Variants in EPHB2 observed in about 807,000 individuals in gnomAD.
EPHB2 encodes ephrin type-B receptor 2.
EPHB2 carries 18 observed loss-of-function variants against 96.4 expected under a neutral mutation model. That is an observed-to-expected ratio of 0.19 (90% CI 0.13 to 0.28). The LOEUF is 0.28. Among genes scored for constraint, EPHB2 ranks in the 10% least tolerant of loss-of-function variants. The pLI is 1.00. For missense variants in EPHB2, 989 were observed against 1,355.4 expected (o/e 0.73, Z 4.25); for synonymous variants, 506 against 534.1 (o/e 0.95, Z 0.72).
At chr1:22,793,573 G>A (rs1644726292) in intron 3 of EPHB2, among the ~76,000 whole-genome samples, 1 of 152,158 alleles carries the variant, frequency 6.6e-6, no homozygotes, top group African/African-American at 2.4e-5. Flanking sequence ...CAGCCATCCA[G>A]GGAAGAGCAG....
At chr1:22,859,592 C>T (rs1645761253) in intron 3 of EPHB2, among the ~76,000 whole-genome samples, 1 of 152,050 alleles carries the variant, frequency 6.6e-6, no homozygotes, top group South Asian at 2.1e-4. Flanking sequence ...GTCAGGAGTT[C>T]GTGACCAGCC....
intron 3 of EPHB2, among the ~76,000 whole-genome samples, chr1:22,803,102 G>C: frequency 6.6e-6 from 1 of 152,182 alleles, no homozygotes; most frequent in East Asian, 1.9e-4. Context: ...GAAATAGCCT[G>C]AGGAGGCTCT....
At chr1:22,895,388 C>A in intron 7 of EPHB2, 84 bp from the exon 8 acceptor site, 1 of 1,313,764 alleles carries the variant, frequency 7.6e-7, no homozygotes, top group Non-Finnish European at 1.1e-6. Flanking sequence ...CCAGGAGACC[C>A]AGCAGCATGG....
At chr1:22,825,074 T>C (rs1294318824) in intron 3 of EPHB2, among the ~76,000 whole-genome samples, 1 of 152,250 alleles carries the variant, frequency 6.6e-6, no homozygotes, top group Non-Finnish European at 1.5e-5. Context: ...TGACTGCACC[T>C]TGATCTCAAG....
rs1640311171 is a variant in EPHB2 at position 22,917,999 on chromosome 1, T to C, written c.*4429T>C. On this transcript the variant is annotated 3_prime_UTR_variant, in exon 16 of 16. Coordinates refer to ENST00000374630, the MANE Select transcript of EPHB2 (RefSeq NM_017449.5). ...GTGGAACGGGGGAAGTGAAGGTTGATATAAGTGGAGGTTGAGGCAGTTTAG... is the reference window on the plus strand; with the variant it reads ...GTGGAACGGGGGAAGTGAAGGTTGACATAAGTGGAGGTTGAGGCAGTTTAG... 1 of 152,336 alleles carries C rather than the reference T, an allele frequency of 6.6e-6. No homozygotes were observed. Among genetic ancestry groups the C allele is most frequent in the African/African-American group, 2.4e-5 (1 of 41,370 alleles). 9.4% of individuals were successfully genotyped at this position (152,336 alleles called of 1,614,324 possible).
chr1:22,711,342 C>T (rs1422597544), intron 1 of EPHB2, among the ~76,000 whole-genome samples: 1 of 148,208 alleles, frequency 6.7e-6, no homozygotes. Context: ...GCGCGCTCGC[C>T]GCCCCCGGCT....
intron 3 of EPHB2, among the ~76,000 whole-genome samples, chr1:22,837,685 C>T (rs1342581924): frequency 6.6e-6 from 1 of 152,202 alleles, no homozygotes; most frequent in East Asian, 1.9e-4. Context: ...CCAGACCAGT[C>T]CTTCCCATTC....
chr1:22,906,150 A>G lies in EPHB2; in HGVS notation c.1888+41A>G, dbSNP rs1018083493. 11 of 1,613,864 alleles carry G rather than the reference A, an allele frequency of 6.8e-6. No homozygotes were observed. In the Admixed American group the frequency reaches 1.5e-4, roughly 22 times the overall value. On this transcript the variant is annotated intron_variant, in intron 10 of 15. Transcript: ENST00000374630. This position sits in a 1 kb window ranked among gnomAD's most constrained non-coding sequence, Gnocchi z 4.8. Reference sequence around the variant, plus strand: ...TCTCACATGTACTATGACCTTAGCCATGGCTGGTGAGACCACCCCAATGTA... The same window carrying G: ...TCTCACATGTACTATGACCTTAGCCGTGGCTGGTGAGACCACCCCAATGTA...
rs547737407 is a variant in EPHB2, at chr1:22,868,672, G to A, written c.1303+3460G>A. ...TGGAGGGAGCCAACCATATCTCATT[G>A]GCCAAAACAAGTCCCACGGCCAAGC... On this transcript the variant is annotated intron_variant, in intron 5 of 15. Transcript: ENST00000374630. Among the ~76,000 whole-genome samples the A allele has an allele frequency of 4.6e-5, 7 of 152,188 alleles. No homozygotes were observed. In the East Asian group the frequency reaches 1.4e-3, roughly 29 times the overall value.
chr1:22,712,140 C>T (rs1271861317), intron 1 of EPHB2, among the ~76,000 whole-genome samples: 2 of 152,240 alleles, frequency 1.3e-5, no homozygotes, highest in Non-Finnish European at 2.9e-5. Flanking sequence ...TGCTTTCCCG[C>T]CCACCAGCGT....
intron 3 of EPHB2, among the ~76,000 whole-genome samples, chr1:22,815,237 C>T (rs899465117): frequency 2.0e-5 from 3 of 151,906 alleles, no homozygotes; most frequent in Admixed American, 1.3e-4. Context: ...CCCTTGGAAT[C>T]AGGACAGGCT....
At chr1:22,780,580 G>C (rs566424277) in intron 1 of EPHB2, among the ~76,000 whole-genome samples, 1 of 152,274 alleles carries the variant, frequency 6.6e-6, no homozygotes, top group Non-Finnish European at 1.5e-5. Flanking sequence ...GAAACTGAGG[G>C]GTCTCAGCTG....
Position 22,912,501 on chromosome 1 carries a change from G to A in EPHB2, c.2754G>A (p.Val918=), listed in dbSNP as rs747483163. The A allele has an allele frequency of 6.8e-6, 11 of 1,614,042 alleles. No homozygotes were observed. The highest frequency in any genetic ancestry group is 1.3e-5 in the African/African-American group (1 of 74,918). ...CCGACTACACCAGCTTTAACACGGT[G>A]GACGAGTGGCTGGAGGCCATCAAGA... ...TIPDYTSFNT[V]DEWLEAIKMG... is the part of the protein sequence containing the mutation. Residue 918 remains valine, a synonymous_variant, in exon 15 of 16, where the codon GTG becomes GTA. Coordinates refer to ENST00000374630, the MANE Select transcript of EPHB2 (RefSeq NM_017449.5).
chr1:22,780,423 T>A (rs961600284), intron 1 of EPHB2, among the ~76,000 whole-genome samples: 2 of 152,096 alleles, frequency 1.3e-5, no homozygotes, highest in East Asian at 1.9e-4. Flanking sequence ...TCAACACTTC[T>A]CCACTCCTGG....
chr1:22,848,278 GT>G (rs1363203201), intron 3 of EPHB2, among the ~76,000 whole-genome samples: 1 of 152,158 alleles, frequency 6.6e-6, no homozygotes, highest in Non-Finnish European at 1.5e-5. Flanking sequence ...GAACTCTGCT[GT>G]GTGCCCGTGA....
chr1:22,763,649 C>T (rs914508830), intron 1 of EPHB2, among the ~76,000 whole-genome samples: 1 of 152,184 alleles, frequency 6.6e-6, no homozygotes, highest in Non-Finnish European at 1.5e-5. Context: ...TGGCCACTTT[C>T]TCGACTGAGG....
chr1:22,812,089 G>A (rs563442785), intron 3 of EPHB2, among the ~76,000 whole-genome samples: 70 of 152,294 alleles, frequency 4.6e-4, no homozygotes, highest in Admixed American at 3.3e-4. Context: ...TGTGTGGCCC[G>A]GGGCAAGTCA....
Position 22,865,103 on chromosome 1 carries a change from G to T in EPHB2, c.1194G>T (p.Leu398=). The T allele has an allele frequency of 6.2e-7, 1 of 1,614,218 alleles. No homozygotes were observed. Among genetic ancestry groups the T allele is most frequent in the African/African-American group, 1.3e-5 (1 of 75,050 alleles). Residue 398 remains leucine, a synonymous_variant, in exon 5 of 16, where the codon CTG becomes CTT. Coordinates refer to ENST00000374630, the MANE Select transcript of EPHB2 (RefSeq NM_017449.5). ...AGCCACGCATTTACATCAGTGACCTGCTGGCCCACACCCAGTACACCTTCG... is the reference window on the plus strand; with the variant it reads ...AGCCACGCATTTACATCAGTGACCTTCTGGCCCACACCCAGTACACCTTCG... ...LTEPRIYISD[L]LAHTQYTFEI... is the part of the protein sequence containing the mutation.
rs548171634 is a variant in EPHB2, at chr1:22,846,421, C to CA, written c.812-16601dup. On this transcript the variant is annotated intron_variant, in intron 3 of 15. Transcript: ENST00000374630. This position sits in a 1 kb window ranked among gnomAD's most constrained non-coding sequence, Gnocchi z 4.3. ...ACAGAGTGAGAGTGAGACTCTGTCT[C>CA]AAAAAAAAAAAAAAAGAAAAGAAAG... Among the ~76,000 whole-genome samples the CA allele has an allele frequency of 0.3, 32,846 of 108,486 alleles. 4,369 individuals are homozygous for CA. The highest frequency in any genetic ancestry group is 0.55 in the East Asian group (2,459 of 4,448). The allele number at this position is 108,486 out of a possible 152,430, so 71.2% of individuals were successfully genotyped here.
Sources: allele counts gnomAD v4.1 joint callset (sites outside exome capture counted in the v4.1 genomes callset), GRCh38; gene constraint gnomAD v4.1.1; non-coding constraint Gnocchi (gnomAD v3.1); transcripts MANE v1.5; gene names NCBI Gene and HGNC (gene_info 2026-07-23, HGNC 2026-07-21).